The following SESN1 variants were observed in gnomAD, a reference collection of about 807,000 sequenced individuals.
SESN1 encodes sestrin-1.
In SESN1, 30 loss-of-function variants were observed where a neutral mutation model predicts 59.3. That is an observed-to-expected ratio of 0.51 (90% CI 0.38 to 0.69). The LOEUF is 0.69. Among genes scored for constraint, SESN1 ranks in the 30% least tolerant of loss-of-function variants. SESN1 has a pLI of 0.00. For missense variants in SESN1, 566 were observed against 673.0 expected (o/e 0.84, Z 1.76); for synonymous variants, 197 against 219.9 (o/e 0.90, Z 0.92).
At chr6:109,084,934 A>G (rs1781187935) in intron 1 of SESN1, among the ~76,000 whole-genome samples, 1 of 152,172 alleles carries the variant, frequency 6.6e-6, no homozygotes, top group Non-Finnish European at 1.5e-5. Flanking sequence ...GACAGATTTT[A>G]ATAATAAAAT....
intron 1 of SESN1, among the ~76,000 whole-genome samples, chr6:109,058,075 T>TATTA (rs559411525): frequency 1.6e-4 from 25 of 152,170 alleles, no homozygotes; most frequent in East Asian, 1.5e-3. Context: ...TGTTTAGATA[T>TATTA]ATTAATTAAT....
chr6:109,049,694 G>A lies in SESN1; in HGVS notation c.279+44101C>T, dbSNP rs565837547. ...ATAAAAAATAAAAAGGAGAGGGGACGTATATTTATATTAATATATTATATA... is the reference window on the plus strand; with the variant it reads ...ATAAAAAATAAAAAGGAGAGGGGACATATATTTATATTAATATATTATATA... On this transcript the variant is annotated intron_variant, in intron 1 of 9. Coordinates refer to ENST00000436639, the MANE Select transcript of SESN1 (RefSeq NM_014454.3). 4.3e-3 allele frequency among the ~76,000 whole-genome samples: 639 copies of A among 149,602 alleles called. 6 individuals carry two copies. Among genetic ancestry groups the A allele is most frequent in the African/African-American group, 0.014 (584 of 40,920 alleles).
chr6:108,998,567 T>C lies in SESN1; in HGVS notation c.918A>G (p.Thr306=), dbSNP rs61731699. The change falls in exon 5 of 10, where the codon ACA becomes ACG. Residue 306 remains threonine (T), a synonymous_variant. Coordinates refer to ENST00000436639, the MANE Select transcript of SESN1 (RefSeq NM_014454.3). ...SVSNYCICDI[T]NGNHSVDEMP... ...TCTCATCCACACTGTGATTGCCATT[T>C]GTAATGTCACAGATGCAGTAGTTGC... 9.1e-4 allele frequency: 1,468 copies of C among 1,613,970 alleles called. 4 individuals carry two copies. The African/African-American group carries it at 0.01, about 11-fold the overall frequency.
chr6:109,052,272 T>C (rs1270459291), intron 1 of SESN1, among the ~76,000 whole-genome samples: 1 of 152,230 alleles, frequency 6.6e-6, no homozygotes, highest in Non-Finnish European at 1.5e-5. Flanking sequence ...TTTCCCTCTA[T>C]AAATTCCAGA....
intron 5 of SESN1, among the ~76,000 whole-genome samples, chr6:108,997,411 T>G (rs2114291693): frequency 6.6e-6 from 1 of 152,318 alleles, no homozygotes; most frequent in East Asian, 1.9e-4. Flanking sequence ...TATGCAGGCC[T>G]ATAACATGAA....
chr6:109,000,223 C>G (rs1485571918), intron 4 of SESN1: 1 of 259,398 alleles, frequency 3.9e-6, no homozygotes, highest in East Asian at 7.0e-5. Flanking sequence ...GTAATGGATG[C>G]GTGACATTAG....
chr6:109,009,213 G>A (rs1243040686), intron 1 of SESN1: 2 of 837,178 alleles, frequency 2.4e-6, no homozygotes, highest in Admixed American at 4.3e-5. Context: ...CTCCCCGGGA[G>A]CCCGCCCTAT....
chr6:108,989,078 T>C (rs1212761726), intron 8 of SESN1, among the ~76,000 whole-genome samples: 1 of 152,110 alleles, frequency 6.6e-6, no homozygotes, highest in Non-Finnish European at 1.5e-5. Context: ...TCTTGGCTTA[T>C]TGCAACCTCT....
In SESN1 at chr6:108,986,073, A is replaced by G. The variant is rs1379694542; in HGVS notation, c.*1471T>C. 1.3e-5 allele frequency among the ~76,000 whole-genome samples: 2 copies of G among 150,028 alleles called. No homozygotes were observed. Among genetic ancestry groups the G allele is most frequent in the African/African-American group, 4.8e-5 (2 of 41,292 alleles). Reference sequence around the variant, plus strand: ...ATAAATGTTTTGAGGAGTAACTAACAGAGTTATCATCACAACAGCTTCAGT... The same window carrying G: ...ATAAATGTTTTGAGGAGTAACTAACGGAGTTATCATCACAACAGCTTCAGT... On this transcript the variant is annotated 3_prime_UTR_variant, in exon 10 of 10. Transcript: ENST00000436639.
chr6:109,053,140 T>C (rs1780570738), intron 1 of SESN1, among the ~76,000 whole-genome samples: 1 of 152,128 alleles, frequency 6.6e-6, no homozygotes, highest in Non-Finnish European at 1.5e-5. Context: ...ATTTAAGAAG[T>C]ACTTCATTCA....
At chr6:109,078,599 T>G (rs1333718988) in intron 1 of SESN1, among the ~76,000 whole-genome samples, 2 of 152,184 alleles carry the variant, frequency 1.3e-5, no homozygotes, top group Admixed American at 1.3e-4. Flanking sequence ...ACAGCTGCAC[T>G]GTTGTCAACA....
chr6:108,988,461 GT>G, intron 9 of SESN1, 81 bp downstream of exon 9: 35 of 1,269,832 alleles, frequency 2.8e-5, no homozygotes, highest in South Asian at 2.2e-4. Flanking sequence ...GATGGAAAGG[GT>G]TTCAGCACCA....
intron 1 of SESN1, among the ~76,000 whole-genome samples, chr6:109,053,067 C>T (rs12179824): frequency 4.7e-4 from 71 of 149,896 alleles, no homozygotes; most frequent in African/African-American, 1.6e-3. Context: ...TGTGTGTGTG[C>T]GTGCGTGTGT....
At chr6:109,043,232 T>C (rs1194958473) in intron 1 of SESN1, among the ~76,000 whole-genome samples, 1 of 152,158 alleles carries the variant, frequency 6.6e-6, no homozygotes, top group Non-Finnish European at 1.5e-5. Context: ...ACAGCTGTTT[T>C]TATACTTAAC....
In SESN1 at chr6:109,069,547, AT is replaced by A. The variant is rs930704513; in HGVS notation, c.279+24247del. The stretch of plus-strand genomic sequence containing the variant: ...GAAAACTTAATTCCCACAAACTTTA[AT>A]TTTTTTTTTTTAAGACTGGGTCTTG... On this transcript the variant is annotated intron_variant, in intron 1 of 9. Coordinates refer to ENST00000436639, the MANE Select transcript of SESN1 (RefSeq NM_014454.3). 7.3e-4 allele frequency among the ~76,000 whole-genome samples: 107 copies of A among 147,548 alleles called. 1 individual carries two copies. The highest frequency in any genetic ancestry group is 2.0e-3 in the African/African-American group (81 of 40,398).
At position 109,092,753 on chromosome 6, in the gene SESN1, T is replaced by C. The variant is rs549000999; in HGVS notation, c.279+1042A>G. Among the ~76,000 whole-genome samples, 4 of 152,336 alleles carry C rather than the reference T, an allele frequency of 2.6e-5. No homozygotes were observed. The South Asian group carries it at 6.2e-4, about 24-fold the overall frequency. ...CAAAGGGTAAACTTCAGTTACCTAG[T>C]ATATTAATTCCTCTCGGGTAACTCT... On this transcript the variant is annotated intron_variant, in intron 1 of 9. Coordinates refer to ENST00000436639, the MANE Select transcript of SESN1 (RefSeq NM_014454.3).
chr6:109,016,946 CTTAAT>C (rs1779935579), intron 1 of SESN1, among the ~76,000 whole-genome samples: 1 of 151,952 alleles, frequency 6.6e-6, no homozygotes, highest in Non-Finnish European at 1.5e-5. Flanking sequence ...GGGTAACACT[CTTAAT>C]TTGTTATGAG....
intron 9 of SESN1, among the ~76,000 whole-genome samples, 176 bp from the exon 10 acceptor site, chr6:108,987,806 CTTTT>C (rs3029194): frequency 2.2e-5 from 3 of 135,580 alleles, no homozygotes; most frequent in Non-Finnish European, 1.6e-5. Context: ...CAGCAGCTAT[CTTTT>C]TTTTTTTTTT....
At chr6:109,039,110 AGAAG>A (rs1780297076) in intron 1 of SESN1, among the ~76,000 whole-genome samples, 1 of 148,706 alleles carries the variant, frequency 6.7e-6, no homozygotes, top group African/African-American at 2.5e-5. Flanking sequence ...GAGGAGAAGG[AGAAG>A]GAAGGAGGAG....
Sources: allele counts gnomAD v4.1 joint callset (sites outside exome capture counted in the v4.1 genomes callset), GRCh38; gene constraint gnomAD v4.1.1; transcripts MANE v1.5; gene names NCBI Gene and HGNC (gene_info 2026-07-23, HGNC 2026-07-21).